Variants in SLC7A6 observed in about 807,000 individuals in gnomAD.
SLC7A6 encodes the protein Y+L amino acid transporter 2.
Under a neutral mutation model 46.6 loss-of-function variants are expected in SLC7A6, and 29 were observed. The ratio of observed to expected loss-of-function variants is 0.62; its 90% CI spans 0.46 to 0.85. The LOEUF (loss-of-function observed/expected upper bound fraction) is 0.85, where lower values mean the gene tolerates loss of function less well. Among genes scored for constraint, SLC7A6 ranks in the 40% least tolerant of loss-of-function variants. SLC7A6 has a pLI of 0.00. For synonymous variants in SLC7A6, 276 were observed against 257.3 expected (o/e 1.07, Z -0.70); for missense variants, 527 against 647.6 (o/e 0.81, Z 2.02).
chr16:68,287,208 G>A, intron 3 of SLC7A6: 2 of 709,812 alleles, frequency 2.8e-6, no homozygotes, highest in South Asian at 3.6e-5. Context: ...TAACTCCTGG[G>A]CTCACATGAT....
Position 68,296,770 on chromosome 16 carries a change from G to A in SLC7A6, c.1413G>A (p.Leu471=). ...GVPFYFMGVY[L]PESRRPLFIR... ...CTTTCTACTTCATGGGTGTTTACCT[G>A]CCAGAGTCCCGGAGGCCATTGTTTA... The change falls in exon 10 of 11, where the codon CTG becomes CTA. Residue 471 remains leucine, a synonymous_variant. Coordinates refer to ENST00000219343, the MANE Select transcript of SLC7A6 (RefSeq NM_003983.6). 1 of 1,614,114 alleles carries A rather than the reference G, an allele frequency of 6.2e-7. No individual in the cohort carries two copies. Among genetic ancestry groups the A allele is most frequent in the East Asian group, 2.2e-5 (1 of 44,882 alleles).
At chr16:68,287,393 T>G in intron 3 of SLC7A6, 1 of 1,302,882 alleles carries the variant, frequency 7.7e-7, no homozygotes. Flanking sequence ...AGAGGTCTTG[T>G]GTCTCCTGTG....
intron 3 of SLC7A6, among the ~76,000 whole-genome samples, chr16:68,280,398 C>T (rs549987849): frequency 2.6e-5 from 4 of 152,204 alleles, no homozygotes; most frequent in South Asian, 2.1e-4. Context: ...GCTGGTGGCC[C>T]GTGAGCCAGA....
Position 68,290,755 on chromosome 16 carries a change from T to C in SLC7A6, c.794+215T>C, listed in dbSNP as rs113401207. 5,770 of 591,282 alleles carry C rather than the reference T, an allele frequency of 9.8e-3. 242 individuals carry two copies. Among genetic ancestry groups the C allele is most frequent in the African/African-American group, 0.097 (5,185 of 53,632 alleles). The allele number at this position is 591,282 out of a possible 1,614,324, so 36.6% of individuals were successfully genotyped here. A position where few individuals can be genotyped will look rare whatever the true frequency, so the allele number is the denominator to read the frequency against. ...CTGTCCTCACGTTCGCACTGGAGGA[T>C]AGGGCCTTCCTAGAGGAGAGGGCCT... On this transcript the variant is annotated intron_variant, in intron 5 of 10. Coordinates refer to ENST00000219343, the MANE Select transcript of SLC7A6 (RefSeq NM_003983.6).
rs138521783 is a variant in SLC7A6, at chr16:68,275,080, C to T, written c.354C>T (p.Ala118=). 28 of 1,614,022 alleles carry T rather than the reference C, an allele frequency of 1.7e-5. No homozygotes were observed. In the African/African-American group the frequency reaches 3.6e-4, roughly 21 times the overall value. The change falls in exon 3 of 11, where the codon GCC becomes GCT. Residue 118 remains alanine, a synonymous_variant. Coordinates refer to ENST00000219343, the MANE Select transcript of SLC7A6 (RefSeq NM_003983.6). ...SGASYAYILE[A]FGGFIAFIRL... ...CCAGCTACGCTTATATTCTAGAGGC[C>T]TTTGGGGGCTTCATTGCCTTCATCC... is the stretch of plus-strand genomic sequence containing the variant.
chr16:68,293,029 C>T (rs1021659360), intron 7 of SLC7A6, among the ~76,000 whole-genome samples: 1 of 152,178 alleles, frequency 6.6e-6, no homozygotes. Context: ...AGTTTTGTCC[C>T]GTTCATTCTT....
At chr16:68,294,822 G>A (rs751919247) in intron 8 of SLC7A6, 21 bp downstream of exon 8, 9 of 1,551,390 alleles carry the variant, frequency 5.8e-6, no homozygotes, top group East Asian at 4.5e-5. Flanking sequence ...CTGGGACCAC[G>A]GGGCTCAGGT....
chr16:68,286,370 G>A (rs1305774128), intron 3 of SLC7A6, among the ~76,000 whole-genome samples: 1 of 152,128 alleles, frequency 6.6e-6, no homozygotes, highest in Non-Finnish European at 1.5e-5. Flanking sequence ...ACTAGACCTT[G>A]ACTGGGAGTT....
chr16:68,288,058 T>C (rs1355524868), intron 4 of SLC7A6, among the ~76,000 whole-genome samples, 187 bp downstream of exon 4: 1 of 152,218 alleles, frequency 6.6e-6, no homozygotes, highest in Admixed American at 6.5e-5. Context: ...CAAGTGGACA[T>C]GAGTCAGCCT....
rs1243762141 is a variant in SLC7A6 at position 68,274,126 on chromosome 16, A to G, written c.-36-565A>G. Among the ~76,000 whole-genome samples the G allele has an allele frequency of 8.5e-5, 13 of 152,118 alleles. 1 individual carries two copies. The highest frequency in any genetic ancestry group is 8.5e-4 in the Admixed American group (13 of 15,268). The stretch of plus-strand genomic sequence containing the variant: ...CTACAATGACTAAACCTGTCTTAGC[A>G]TCTTCCTCGCCCTTCCCATCACCTC... On this transcript the variant is annotated intron_variant, in intron 2 of 10. Coordinates refer to ENST00000219343, the MANE Select transcript of SLC7A6 (RefSeq NM_003983.6).
At chr16:68,281,683 G>A (rs958121782) in intron 3 of SLC7A6, among the ~76,000 whole-genome samples, 1 of 152,212 alleles carries the variant, frequency 6.6e-6, no homozygotes, top group Non-Finnish European at 1.5e-5. Context: ...TAGGTGACCA[G>A]CAGGATTCAC....
intron 4 of SLC7A6, 22 bp downstream of exon 4, chr16:68,287,893 A>G: frequency 3.7e-6 from 6 of 1,610,454 alleles, no homozygotes; most frequent in South Asian, 2.2e-5. Context: ...GAAGGGGGGT[A>G]CCACCAACAG....
intron 3 of SLC7A6, among the ~76,000 whole-genome samples, chr16:68,276,119 G>A (rs902353315): frequency 7.9e-5 from 12 of 152,154 alleles, no homozygotes; most frequent in African/African-American, 2.9e-4. Context: ...TGAGCAGCAG[G>A]TACAACAAAA....
intron 3 of SLC7A6, among the ~76,000 whole-genome samples, chr16:68,278,233 G>A (rs939894443): frequency 2.0e-5 from 3 of 152,164 alleles, no homozygotes; most frequent in African/African-American, 7.2e-5. Context: ...GGGATTACAG[G>A]CATGAGCCAC....
chr16:68,300,835 C>G lies in SLC7A6; in HGVS notation c.*3507C>G, dbSNP rs115193923. 595 of 986,590 alleles carry G rather than the reference C, an allele frequency of 6.0e-4. 2 individuals carry two copies. In the African/African-American group the frequency reaches 9.9e-3, roughly 16 times the overall value. 61.1% of individuals were successfully genotyped at this position (986,590 alleles called of 1,614,324 possible). On this transcript the variant is annotated 3_prime_UTR_variant, in exon 11 of 11. Coordinates refer to ENST00000219343, the MANE Select transcript of SLC7A6 (RefSeq NM_003983.6). ...TATTGCTACAAGGGACCCACTGGTACCCCTTTTAGATTCTATCAAAAGGAA... is the reference window on the plus strand; with the variant it reads ...TATTGCTACAAGGGACCCACTGGTAGCCCTTTTAGATTCTATCAAAAGGAA...
intron 3 of SLC7A6, among the ~76,000 whole-genome samples, chr16:68,279,217 C>CTGTAATCCTA (rs2042784887): frequency 6.6e-6 from 1 of 151,016 alleles, no homozygotes; most frequent in South Asian, 2.1e-4. Flanking sequence ...TGGTGTGCAT[C>CTGTAATCCTA]TGTAATCCTA....
In SLC7A6 at chr16:68,291,777, G is replaced by GTGTGTC; in HGVS notation, c.1022+121_1022+122insCTGTGT. On this transcript the variant is annotated intron_variant, in intron 7 of 10. Coordinates refer to ENST00000219343, the MANE Select transcript of SLC7A6 (RefSeq NM_003983.6). ...GGGCATATAGGGTGTGTGTGTGTGTGTGTGTGTGTGTGTGTGTGTGTGTTT... is the reference window on the plus strand; with the variant it reads ...GGGCATATAGGGTGTGTGTGTGTGTGTGTGTCTGTGTGTGTGTGTGTGTGTGTGTTT... 3 of 679,482 alleles carry GTGTGTC rather than the reference G, an allele frequency of 4.4e-6. No individual in the cohort carries two copies. The South Asian group carries it at 5.3e-5, about 12-fold the overall frequency. 42.1% of individuals were successfully genotyped at this position (679,482 alleles called of 1,614,324 possible). A position where few individuals can be genotyped will look rare whatever the true frequency, so the allele number is the denominator to read the frequency against.
Position 68,264,747 on chromosome 16 carries a change from G to A in SLC7A6, c.-166+171G>A, listed in dbSNP as rs888059350. On this transcript the variant is annotated intron_variant, in intron 1 of 10. Transcript: ENST00000219343. This position sits in a 1 kb window ranked among gnomAD's most constrained non-coding sequence, Gnocchi z 5.8. ...CCGCGCGAGAGGCGCTGCGGGTGAG[G>A]GGGGGCGCCACGAGGAGAGAGGGAC... 1 of 152,434 alleles carries A rather than the reference G, an allele frequency of 6.6e-6. No homozygotes were observed. The highest frequency in any genetic ancestry group is 1.9e-4 in the East Asian group (1 of 5,202). The allele number at this position is 152,434 out of a possible 1,614,324, so 9.4% of individuals were successfully genotyped here.
chr16:68,271,367 T>C (rs1186798777), intron 2 of SLC7A6, among the ~76,000 whole-genome samples: 3 of 152,216 alleles, frequency 2.0e-5, no homozygotes, highest in African/African-American at 7.2e-5. Context: ...TGCAATGGTG[T>C]GATCATGGCT....
Sources: allele counts gnomAD v4.1 joint callset (sites outside exome capture counted in the v4.1 genomes callset), GRCh38; gene constraint gnomAD v4.1.1; non-coding constraint Gnocchi (gnomAD v3.1); transcripts MANE v1.5; gene names NCBI Gene and HGNC (gene_info 2026-07-23, HGNC 2026-07-21).